The following SFSWAP variants were observed in gnomAD, a reference collection of about 807,000 sequenced individuals.
The protein encoded by SFSWAP is splicing factor, suppressor of white-apricot homolog.
A neutral mutation model predicts 100.7 loss-of-function variants in SFSWAP; 17 were observed. The ratio of observed to expected loss-of-function variants is 0.17; its 90% CI spans 0.12 to 0.25. The LOEUF is 0.25. Among genes scored for constraint, SFSWAP ranks in the 10% least tolerant of loss-of-function variants. The probability of loss-of-function intolerance (pLI) is 1.00; values close to 1 mark genes in which losing one functional copy is unlikely to be tolerated. For synonymous variants in SFSWAP, 504 were observed against 510.1 expected, an observed-to-expected ratio of 0.99 and a Z score of 0.16; for missense variants, 1,005 against 1,262.6, an observed-to-expected ratio of 0.80 and a Z score of 3.09.
At chr12:131,732,111 T>C (rs1330083883) in intron 7 of SFSWAP, among the ~76,000 whole-genome samples, 2 of 151,998 alleles carry the variant, frequency 1.3e-5, no homozygotes, top group African/African-American at 4.8e-5. Context: ...GGTTTCACCA[T>C]GTTGGCCAGG....
intron 11 of SFSWAP, among the ~76,000 whole-genome samples, chr12:131,759,254 C>T (rs996191084): frequency 1.3e-5 from 2 of 152,124 alleles, no homozygotes; most frequent in African/African-American, 4.8e-5. Flanking sequence ...CAGGAACCAA[C>T]ATAGACCTAT....
chr12:131,737,595 G>A (rs1301149960), intron 7 of SFSWAP, among the ~76,000 whole-genome samples: 4 of 151,960 alleles, frequency 2.6e-5, no homozygotes, highest in Admixed American at 6.6e-5. Flanking sequence ...TCTTTCCCCC[G>A]TAGAGACTTG....
chr12:131,725,291 C>G lies in SFSWAP; in HGVS notation c.607-114C>G, dbSNP rs1405288795. The G allele has an allele frequency of 2.3e-6, 2 of 869,248 alleles. No homozygotes were observed. Among genetic ancestry groups the G allele is most frequent in the Non-Finnish European group, 3.7e-6 (2 of 536,622 alleles). The allele number at this position is 869,248 out of a possible 1,614,324, so 53.8% of individuals were successfully genotyped here. Reference sequence around the variant, plus strand: ...CCTGGGCTCTTCCAGCTTAAAGTCTCGTATCTCTTAAAATTGACAGTAAAA... The same window carrying G: ...CCTGGGCTCTTCCAGCTTAAAGTCTGGTATCTCTTAAAATTGACAGTAAAA... On this transcript the variant is annotated intron_variant, in intron 4 of 17. Transcript: ENST00000261674. The surrounding 1 kb of genome is among the most constrained non-coding windows in gnomAD (Gnocchi z 4.3).
chr12:131,779,817 G>A (rs1426524596), intron 14 of SFSWAP, among the ~76,000 whole-genome samples: 3 of 152,006 alleles, frequency 2.0e-5, no homozygotes, highest in Non-Finnish European at 2.9e-5. Context: ...CGGAGTTTTT[G>A]CTCTTGTTTC....
At chr12:131,783,135 C>T (rs1049887046) in intron 14 of SFSWAP, among the ~76,000 whole-genome samples, 3 of 146,540 alleles carry the variant, frequency 2.0e-5, no homozygotes, top group Non-Finnish European at 4.5e-5. Context: ...GAGCCAAGAT[C>T]GTGTCACTGC....
intron 15 of SFSWAP, among the ~76,000 whole-genome samples, chr12:131,789,773 G>A (rs1430825089): frequency 1.3e-5 from 2 of 152,118 alleles, no homozygotes; most frequent in Non-Finnish European, 2.9e-5. Context: ...CTGTGTCCCC[G>A]TGGCTGGGTT....
At chr12:131,735,958 AAG>A (rs1195175260) in intron 7 of SFSWAP, among the ~76,000 whole-genome samples, 4 of 152,256 alleles carry the variant, frequency 2.6e-5, no homozygotes, top group Admixed American at 2.0e-4. Flanking sequence ...TGGAAAAAAT[AAG>A]AGAGACTCTA....
chr12:131,778,157 CA>C lies in SFSWAP; in HGVS notation c.2238del (p.Asp747IlefsTer85). ...KPPDRPSSKS[K>X]DPPREEEKEK... ...CACCCGATAGGCCTTCGAGCAAAAG[CA>C]AAGATCCACCGAGAGAAGAAGAGAA... On this transcript the variant is annotated frameshift_variant, in exon 14 of 18. Coordinates refer to ENST00000261674, the MANE Select transcript of SFSWAP (RefSeq NM_004592.4). LOFTEE classifies it high-confidence loss of function. This position sits in a 1 kb window ranked among gnomAD's most constrained non-coding sequence, Gnocchi z 4.2. The C allele has an allele frequency of 6.2e-7, 1 of 1,604,162 alleles. No individual in the cohort carries two copies. The highest frequency in any genetic ancestry group is 8.5e-7 in the Non-Finnish European group (1 of 1,175,830).
At chr12:131,726,875 C>A in intron 5 of SFSWAP, 65 bp from the exon 6 acceptor site, 1 of 1,006,212 alleles carries the variant, frequency 9.9e-7, no homozygotes, top group Non-Finnish European at 1.5e-6. Context: ...TAAGTTTTTG[C>A]ATAATTAATT....
intron 7 of SFSWAP, among the ~76,000 whole-genome samples, chr12:131,732,167 C>T (rs1566013029): frequency 6.6e-6 from 1 of 152,110 alleles, no homozygotes; most frequent in Non-Finnish European, 1.5e-5. Flanking sequence ...ACCTCAGCCT[C>T]CCAAAGTGCT....
chr12:131,795,393 C>T (rs1314160301), intron 15 of SFSWAP, among the ~76,000 whole-genome samples: 1 of 152,250 alleles, frequency 6.6e-6, no homozygotes, highest in Admixed American at 6.5e-5. Flanking sequence ...CAGAAACGCT[C>T]AGTCCCCCCC....
At chr12:131,769,637 T>A (rs192000493) in intron 13 of SFSWAP, among the ~76,000 whole-genome samples, 5 of 152,282 alleles carry the variant, frequency 3.3e-5, no homozygotes, top group Admixed American at 3.3e-4. Flanking sequence ...TTTATTTGTT[T>A]GTTTTTTGAG....
In SFSWAP at chr12:131,775,871, C is replaced by G. The variant is rs563290925; in HGVS notation, c.2143-2194C>G. On this transcript the variant is annotated intron_variant, in intron 13 of 17. Transcript: ENST00000261674. The stretch of plus-strand genomic sequence containing the variant: ...TTGGGATGCTGAGGTGTGCAGTTCA[C>G]TTGAGGCCAGGAGTTTGAGACCAGC... 8.6e-5 allele frequency among the ~76,000 whole-genome samples: 13 copies of G among 151,182 alleles called. No homozygotes were observed. In the East Asian group the frequency reaches 2.1e-3, roughly 25 times the overall value.
rs537296577 is a variant in SFSWAP, at chr12:131,726,897, T to C, written c.833-43T>C. On this transcript the variant is annotated intron_variant, in intron 5 of 17. Coordinates refer to ENST00000261674, the MANE Select transcript of SFSWAP (RefSeq NM_004592.4). ...TTGCATAATTAATTTGTACTTTTTT[T>C]CTCACCAAACACCAAAATCTTGAAA... 1.1e-4 allele frequency: 140 copies of C among 1,222,866 alleles called. No homozygotes were observed. The South Asian group carries it at 1.7e-3, about 15-fold the overall frequency. The allele number at this position is 1,222,866 out of a possible 1,614,324, so 75.8% of individuals were successfully genotyped here.
chr12:131,735,587 A>G (rs889890519), intron 7 of SFSWAP, among the ~76,000 whole-genome samples: 7 of 152,210 alleles, frequency 4.6e-5, no homozygotes, highest in Admixed American at 2.6e-4. Context: ...GCGGTTAAAA[A>G]CAGGTCTACA....
rs1380172224 is a variant in SFSWAP at position 131,711,460 on chromosome 12, C to G, written c.218+13C>G. Reference sequence around the variant, plus strand: ...TCCTCATCGACAGGTCGGTTCCTCTCCCCACCCGTCGATCCTTCCCTTCCC... The same window carrying G: ...TCCTCATCGACAGGTCGGTTCCTCTGCCCACCCGTCGATCCTTCCCTTCCC... On this transcript the variant is annotated intron_variant, in intron 1 of 17. Transcript: ENST00000261674. This position sits in a 1 kb window ranked among gnomAD's most constrained non-coding sequence, Gnocchi z 4.9. 1 of 1,595,894 alleles carries G rather than the reference C, an allele frequency of 6.3e-7. No individual in the cohort carries two copies. Among genetic ancestry groups the G allele is most frequent in the Non-Finnish European group, 8.6e-7 (1 of 1,164,944 alleles).
intron 7 of SFSWAP, among the ~76,000 whole-genome samples, chr12:131,742,596 T>A (rs867557404): frequency 6.6e-6 from 1 of 152,026 alleles, no homozygotes; most frequent in African/African-American, 2.4e-5. Flanking sequence ...CTAATCCAAT[T>A]TGGTGATGTC....
chr12:131,783,846 TAAATACTTGG>T (rs1884703134), intron 14 of SFSWAP: 5 of 127,884 alleles, frequency 3.9e-5, no homozygotes, highest in Non-Finnish European at 6.8e-5. Flanking sequence ...ATTAGCTCCC[TAAATACTTGG>T]GGTTGGTGAA....
rs1885473223 is a variant in SFSWAP at position 131,794,232 on chromosome 12, G to A, written c.2535-2946G>A. ...GGAGGAGTCTCAGACATGCTTTGCT[G>A]AGCAAAAGCAGCCAGACACAGGCCA... is the stretch of plus-strand genomic sequence containing the variant. On this transcript the variant is annotated intron_variant, in intron 15 of 17. Coordinates refer to ENST00000261674, the MANE Select transcript of SFSWAP (RefSeq NM_004592.4). The surrounding 1 kb of genome is among the most constrained non-coding windows in gnomAD (Gnocchi z 4.8). 6.6e-6 allele frequency among the ~76,000 whole-genome samples: 1 copy of A among 152,066 alleles called. No homozygotes were observed. The highest frequency in any genetic ancestry group is 6.6e-5 in the Admixed American group (1 of 15,264).
Sources: gnomAD v4.1 joint callset for allele counts (sites outside exome capture counted in the v4.1 genomes callset) on GRCh38, gnomAD v4.1.1 for gene constraint, Gnocchi (gnomAD v3.1) non-coding constraint, MANE v1.5 for transcripts, NCBI Gene and HGNC (gene_info 2026-07-23, HGNC 2026-07-21) for gene names.